Variants in FRMPD4 observed in about 807,000 individuals in gnomAD.
FRMPD4 encodes the protein FERM and PDZ domain-containing protein 4.
A neutral mutation model predicts 94.1 loss-of-function variants in FRMPD4; 22 were observed. The ratio of observed to expected loss-of-function variants is 0.23; its 90% CI spans 0.17 to 0.33. FRMPD4 has a LOEUF of 0.33. FRMPD4 is among the 10% of genes least tolerant of loss of function. The pLI is 1.00. For missense variants in FRMPD4, 1,111 were observed against 1,339.9 expected (o/e 0.83, Z 2.67); for synonymous variants, 631 against 548.6 (o/e 1.15, Z -2.10).
At chrX:12,320,139 A>C (rs757731821) in intron 1 of FRMPD4, among the ~76,000 whole-genome samples, 1 of 112,017 alleles carries the variant, frequency 8.9e-6, no homozygotes, top group South Asian at 3.8e-4. Context: ...TAATAGAGTC[A>C]GCACATATGG....
chrX:12,384,561 G>C (rs891717608), intron 1 of FRMPD4, among the ~76,000 whole-genome samples: 13 of 111,589 alleles, frequency 1.2e-4, no homozygotes, highest in African/African-American at 4.2e-4. Context: ...GTTAGACCTG[G>C]ATGAAGCCTT....
intron 3 of FRMPD4, among the ~76,000 whole-genome samples, chrX:12,115,043 T>G (rs2055396877): frequency 8.9e-6 from 1 of 111,799 alleles, no homozygotes; most frequent in African/African-American, 3.2e-5. Context: ...TAAGTAATTC[T>G]TTGGGATAGG....
intron 1 of FRMPD4, among the ~76,000 whole-genome samples, chrX:11,846,044 A>G: frequency 9.6e-6 from 1 of 103,903 alleles, no homozygotes. Flanking sequence ...ATTAGGCAGG[A>G]GAAGGAAATA....
intron 2 of FRMPD4, among the ~76,000 whole-genome samples, chrX:12,577,178 C>T (rs187490980): frequency 8.6e-4 from 87 of 101,573 alleles, no homozygotes; most frequent in Non-Finnish European, 9.4e-4. Context: ...CCAACCATTG[C>T]GTTAGGTGCT....
chrX:12,200,978 G>A (rs191275960), intron 1 of FRMPD4, among the ~76,000 whole-genome samples: 54 of 112,182 alleles, frequency 4.8e-4, no homozygotes, highest in Admixed American at 1.1e-3. Context: ...ATTATTTTGC[G>A]TTGTTGTCAG....
rs758642077 is a variant in FRMPD4, at chrX:12,610,705, G to A, written c.319+824G>A. Among the ~76,000 whole-genome samples the A allele has an allele frequency of 1.4e-3, 143 of 105,878 alleles. 1 individual carries two copies. The highest frequency in any genetic ancestry group is 4.8e-3 in the African/African-American group (135 of 28,012). 91.9% of individuals were successfully genotyped at this position (105,878 alleles called of 115,157 possible). A position where few individuals can be genotyped will look rare whatever the true frequency, so the allele number is the denominator to read the frequency against. On this transcript the variant is annotated intron_variant, in intron 3 of 16. Coordinates refer to ENST00000675598, the MANE Select transcript of FRMPD4 (RefSeq NM_001368397.1). ...AGAGGTTGCAGTGAGCTGAGATTGT[G>A]CTACTGCACTCCAGCCTGGGCAACA...
chrX:12,266,093 A>G (rs1367396215), intron 1 of FRMPD4, among the ~76,000 whole-genome samples: 9 of 94,397 alleles, frequency 9.5e-5, no homozygotes, highest in African/African-American at 3.3e-4. Context: ...AGATCAAGCC[A>G]CTGCACTCCA....
intron 1 of FRMPD4, among the ~76,000 whole-genome samples, chrX:12,382,059 G>T (rs752172793): frequency 9.0e-5 from 10 of 110,945 alleles, no homozygotes; most frequent in Non-Finnish European, 1.9e-4. Flanking sequence ...TGAGAGTCAG[G>T]GACAGAAACA....
At chrX:12,165,921 A>G (rs1254992396) in intron 1 of FRMPD4, among the ~76,000 whole-genome samples, 2 of 111,501 alleles carry the variant, frequency 1.8e-5, no homozygotes, top group South Asian at 7.6e-4. Context: ...ACTTTGCTGA[A>G]GTTGCTTATC....
Position 12,716,085 on chromosome X carries a change from G to C in FRMPD4, c.1626G>C (p.Gly542=), listed in dbSNP as rs2042073214. The change falls in exon 15 of 17, where the codon GGG becomes GGC. Residue 542 remains glycine (G), a synonymous_variant. Transcript: ENST00000675598. The part of the protein sequence containing the change: ...ATQETGPENK[G]KHNLLGPDWN... The stretch of plus-strand genomic sequence containing the variant: ...TCTCTTTAGGACCTGAAAACAAGGG[G>C]AAGCATAACCTCCTTGGCCCAGATT... 2 of 1,162,202 alleles carry C rather than the reference G, an allele frequency of 1.7e-6. No homozygotes were observed. The highest frequency in any genetic ancestry group is 3.7e-5 in the African/African-American group (2 of 54,146).
chrX:12,119,232 G>T lies in FRMPD4; in HGVS notation c.95+241214G>T, dbSNP rs142510794. On this transcript the variant is annotated intron_variant, in intron 3 of 18. Transcript: ENST00000640291. ...AAAAGCTTCTACCATGAAAAGTTCA[G>T]CATGCTGTATGTATTTGGGATGCAT... 1.1e-4 allele frequency among the ~76,000 whole-genome samples: 12 copies of T among 111,529 alleles called. No homozygotes were observed. In the East Asian group the frequency reaches 3.1e-3, roughly 29 times the overall value.
intron 1 of FRMPD4, among the ~76,000 whole-genome samples, chrX:12,261,747 A>C (rs750094150): frequency 8.9e-6 from 1 of 112,044 alleles, no homozygotes; most frequent in African/African-American, 3.2e-5. Flanking sequence ...AGCTTCAACA[A>C]TTATCAATAT....
intron 1 of FRMPD4, among the ~76,000 whole-genome samples, chrX:12,450,680 A>C (rs1380088210): frequency 9.0e-6 from 1 of 110,542 alleles, no homozygotes; most frequent in Non-Finnish European, 1.9e-5. Context: ...TTACCAAGGA[A>C]GAAGGGAAGC....
chrX:12,435,513 C>G (rs1444747679), intron 1 of FRMPD4, among the ~76,000 whole-genome samples: 2 of 110,217 alleles, frequency 1.8e-5, no homozygotes, highest in African/African-American at 3.3e-5. Flanking sequence ...TAGTAGGTAG[C>G]CTTTTAATGA....
At chrX:12,472,585 T>A (rs1601986370) in intron 1 of FRMPD4, among the ~76,000 whole-genome samples, 1 of 111,196 alleles carries the variant, frequency 9.0e-6, no homozygotes, top group Non-Finnish European at 1.9e-5. Flanking sequence ...GACAAATGGC[T>A]AACTAGAATA....
intron 1 of FRMPD4, among the ~76,000 whole-genome samples, chrX:12,247,584 A>T (rs991190854): frequency 8.9e-6 from 1 of 111,773 alleles, no homozygotes; most frequent in African/African-American, 3.3e-5. Flanking sequence ...ATGGGGTCTC[A>T]TTGTGTTGCC....
chrX:12,222,780 T>C (rs1353248720), intron 1 of FRMPD4, among the ~76,000 whole-genome samples: 2 of 112,356 alleles, frequency 1.8e-5, no homozygotes, highest in Non-Finnish European at 1.9e-5. Context: ...TCTTAGTGTA[T>C]TGTTCTTGAT....
At chrX:12,291,285 G>C (rs1420776902) in intron 1 of FRMPD4, among the ~76,000 whole-genome samples, 3 of 111,616 alleles carry the variant, frequency 2.7e-5, no homozygotes, top group Non-Finnish European at 5.7e-5. Flanking sequence ...TTGGTTTCTA[G>C]TTCTTCACTT....
intron 1 of FRMPD4, among the ~76,000 whole-genome samples, chrX:12,323,714 G>A (rs1350700517): frequency 8.9e-6 from 1 of 111,837 alleles, no homozygotes; most frequent in East Asian, 2.8e-4. Flanking sequence ...GGGTGTCTAA[G>A]GTGAGGGGAC....
Sources: gnomAD v4.1 joint callset for allele counts (sites outside exome capture counted in the v4.1 genomes callset) on GRCh38, gnomAD v4.1.1 for gene constraint, MANE v1.5 for transcripts, NCBI Gene and HGNC (gene_info 2026-07-23, HGNC 2026-07-21) for gene names.